Variants in FOXJ3 observed in about 807,000 individuals in gnomAD.
FOXJ3 encodes the protein forkhead box J3.
FOXJ3 carries 22 observed loss-of-function variants against 76.1 expected under a neutral mutation model. That is an observed-to-expected ratio of 0.29 (90% CI 0.21 to 0.41). The LOEUF is 0.41. Ranked by LOEUF, FOXJ3 falls within the 10% of genes least tolerant of loss-of-function variation. The pLI is 1.00. For synonymous variants in FOXJ3, 269 were observed against 261.2 expected (o/e 1.03, Z -0.29); for missense variants, 613 against 762.1 (o/e 0.80, Z 2.30).
chr1:42,242,942 G>GA (rs1029566908), intron 4 of FOXJ3, among the ~76,000 whole-genome samples: 1 of 100,498 alleles, frequency 1.0e-5, no homozygotes, highest in Non-Finnish European at 2.1e-5. Flanking sequence ...AAAAAAGCAA[G>GA]AAAAAAACTA....
intron 3 of FOXJ3, among the ~76,000 whole-genome samples, chr1:42,270,833 A>G (rs1651813212): frequency 6.6e-6 from 1 of 152,180 alleles, no homozygotes; most frequent in South Asian, 2.1e-4. Flanking sequence ...TGACAATTCT[A>G]ATTTTAAAAG....
intron 8 of FOXJ3, 141 bp downstream of exon 8, chr1:42,194,749 C>G: frequency 1.6e-6 from 1 of 606,916 alleles, no homozygotes; most frequent in East Asian, 2.9e-5. Context: ...AGTAAAGGCA[C>G]AAAGGGCAAA....
chr1:42,307,320 T>G (rs36043301), intron 2 of FOXJ3, among the ~76,000 whole-genome samples: 107,670 of 151,908 alleles, frequency 0.71, 38,686 homozygotes, highest in Admixed American at 0.8. Flanking sequence ...TCAGATACCA[T>G]CATCAATCAT....
At chr1:42,195,653 A>G (rs1040139111) in intron 7 of FOXJ3, among the ~76,000 whole-genome samples, 2 of 152,238 alleles carry the variant, frequency 1.3e-5, no homozygotes, top group South Asian at 4.1e-4. Context: ...CTTAAAGACT[A>G]CGTACTACAT....
At chr1:42,251,694 C>T (rs61775122) in intron 4 of FOXJ3, among the ~76,000 whole-genome samples, 3 of 140,966 alleles carry the variant, frequency 2.1e-5, no homozygotes, top group South Asian at 2.3e-4. Flanking sequence ...CTGCTGGATT[C>T]GGTTTGCCAG....
At chr1:42,202,818 G>A (rs986473149) in intron 6 of FOXJ3, among the ~76,000 whole-genome samples, 5 of 152,180 alleles carry the variant, frequency 3.3e-5, no homozygotes, top group Non-Finnish European at 5.9e-5. Flanking sequence ...TTAAAGGGGT[G>A]AGCCACCACA....
At chr1:42,327,385 G>A (rs1296412129) in intron 1 of FOXJ3, among the ~76,000 whole-genome samples, 1 of 152,142 alleles carries the variant, frequency 6.6e-6, no homozygotes, top group Non-Finnish European at 1.5e-5. Context: ...GACCCTGATT[G>A]CTGCATGTTT....
chr1:42,218,719 T>C (rs1240024980), intron 5 of FOXJ3, among the ~76,000 whole-genome samples: 10 of 152,192 alleles, frequency 6.6e-5, no homozygotes, highest in Non-Finnish European at 1.2e-4. Context: ...ATCCCTCCAA[T>C]GGCTTTCCAC....
At chr1:42,225,232 G>A (rs748434129) in intron 5 of FOXJ3, among the ~76,000 whole-genome samples, 5 of 152,004 alleles carry the variant, frequency 3.3e-5, no homozygotes, top group African/African-American at 4.8e-5. Flanking sequence ...AATTTAATAC[G>A]GAACTTAGAG....
intron 5 of FOXJ3, among the ~76,000 whole-genome samples, chr1:42,212,976 A>AC (rs1371118033): frequency 1.3e-5 from 2 of 151,040 alleles, no homozygotes; most frequent in Admixed American, 6.6e-5. Flanking sequence ...AAAAAACAAA[A>AC]AAAAAACTAA....
At position 42,326,299 on chromosome 1, in the gene FOXJ3, T is replaced by A. The variant is rs2173893; in HGVS notation, c.-18+8760A>T. Among the ~76,000 whole-genome samples, 4 of 152,178 alleles carry A rather than the reference T, an allele frequency of 2.6e-5. No homozygotes were observed. The East Asian group carries it at 7.7e-4, about 29-fold the overall frequency. On this transcript the variant is annotated intron_variant, in intron 1 of 12. Transcript: ENST00000361346. ...TTTTTCCAAATTCTCACTTGAACCATAAAAATCAAACTGTATACGTTTTCT... is the reference window on the plus strand; with the variant it reads ...TTTTTCCAAATTCTCACTTGAACCAAAAAAATCAAACTGTATACGTTTTCT...
intron 1 of FOXJ3, chr1:42,334,852 G>A (rs982822344): frequency 1.3e-5 from 2 of 152,178 alleles, no homozygotes; most frequent in Admixed American, 6.5e-5. Flanking sequence ...CCGCGGGGGA[G>A]GGAAGGACCC....
chr1:42,220,866 T>C (rs919441672), intron 5 of FOXJ3, among the ~76,000 whole-genome samples: 2 of 152,178 alleles, frequency 1.3e-5, no homozygotes, highest in Admixed American at 6.5e-5. Flanking sequence ...ACCCAAACCA[T>C]GGCAGACATC....
upstream of FOXJ3, chr1:42,335,472 T>G (rs1656443651): frequency 6.6e-6 from 1 of 152,216 alleles, no homozygotes; most frequent in Non-Finnish European, 1.5e-5. Flanking sequence ...TGCCTCGGAG[T>G]GGCGTCTGGG....
chr1:42,242,178 A>G (rs1649196591), intron 4 of FOXJ3, among the ~76,000 whole-genome samples: 1 of 152,204 alleles, frequency 6.6e-6, no homozygotes, highest in Non-Finnish European at 1.5e-5. Context: ...TTAGATGCAC[A>G]GACAACATAA....
rs560760570 is a variant in FOXJ3, at chr1:42,193,587, CTTACT to C, written c.934+1298_934+1302del. Among the ~76,000 whole-genome samples, 27 of 152,158 alleles carry C rather than the reference CTTACT, an allele frequency of 1.8e-4. 1 individual carries two copies. The highest frequency in any genetic ancestry group is 2.9e-4 in the African/African-American group (12 of 41,518). ...TTTAAAAGTTGGAAAACATATGAAT[CTTACT>C]TTAAACTCAAATACTAACCAGAAAA... On this transcript the variant is annotated intron_variant, in intron 8 of 12. Transcript: ENST00000361346.
At chr1:42,305,286 T>C (rs921491322) in intron 2 of FOXJ3, among the ~76,000 whole-genome samples, 1 of 152,140 alleles carries the variant, frequency 6.6e-6, no homozygotes, top group Non-Finnish European at 1.5e-5. Context: ...CTGGATTTTG[T>C]ACACTGTTGG....
At chr1:42,196,914 A>G (rs532953681) in intron 7 of FOXJ3, among the ~76,000 whole-genome samples, 86 of 152,338 alleles carry the variant, frequency 5.6e-4, no homozygotes, top group African/African-American at 2.0e-3. Flanking sequence ...AAAGCAACTT[A>G]AAATCATTAT....
chr1:42,275,329 T>C (rs1168721396), intron 3 of FOXJ3, among the ~76,000 whole-genome samples: 1 of 152,212 alleles, frequency 6.6e-6, no homozygotes, highest in Non-Finnish European at 1.5e-5. Context: ...TATAACTCCC[T>C]TCCTCTACAT....
Sources: gnomAD v4.1 joint callset for allele counts (sites outside exome capture counted in the v4.1 genomes callset) on GRCh38, gnomAD v4.1.1 for gene constraint, MANE v1.5 for transcripts, NCBI Gene and HGNC (gene_info 2026-07-23, HGNC 2026-07-21) for gene names.